PDE4D: variants seen among roughly 807,000 people sequenced by gnomAD.
PDE4D encodes 3',5'-cyclic-AMP phosphodiesterase 4D.
A neutral mutation model predicts 87.4 loss-of-function variants in PDE4D; 24 were observed. That is an observed-to-expected ratio of 0.27 (90% CI 0.20 to 0.39). The LOEUF is 0.39. Among genes scored for constraint, PDE4D ranks in the 10% least tolerant of loss-of-function variants. PDE4D has a pLI of 1.00. For missense variants in PDE4D, 714 were observed against 1,041.0 expected (o/e 0.69, Z 4.32); for synonymous variants, 384 against 383.2 (o/e 1.00, Z -0.02).
chr5:60,187,440 A>T (rs1424683589), intron 1 of PDE4D, among the ~76,000 whole-genome samples: 2 of 152,210 alleles, frequency 1.3e-5, no homozygotes, highest in African/African-American at 4.8e-5. Context: ...AACATATATT[A>T]TCAGAGAAAA....
At chr5:59,391,465 A>G (rs1026026159) in intron 1 of PDE4D, among the ~76,000 whole-genome samples, 2 of 152,132 alleles carry the variant, frequency 1.3e-5, no homozygotes, top group Non-Finnish European at 2.9e-5. Flanking sequence ...TGTCCAAAGG[A>G]TGATGGTAGT....
chr5:60,204,910 AT>A (rs1380654748), intron 1 of PDE4D, among the ~76,000 whole-genome samples: 1 of 152,172 alleles, frequency 6.6e-6, no homozygotes, highest in African/African-American at 2.4e-5. Context: ...GCCTTTAAGG[AT>A]TGATAGAGTT....
intron 1 of PDE4D, among the ~76,000 whole-genome samples, chr5:60,205,159 G>T (rs978830367): frequency 9.9e-5 from 15 of 152,136 alleles, no homozygotes; most frequent in African/African-American, 3.6e-4. Flanking sequence ...TCCGCTGTCA[G>T]CTGCCAGGCC....
chr5:60,414,671 A>T (rs955557246), intron 1 of PDE4D, among the ~76,000 whole-genome samples: 2 of 152,234 alleles, frequency 1.3e-5, no homozygotes, highest in African/African-American at 4.8e-5. Flanking sequence ...ATCTGGAGTA[A>T]ACCAATCCTA....
At chr5:59,219,899 G>A (rs1159588114) in intron 1 of PDE4D, among the ~76,000 whole-genome samples, 1 of 152,080 alleles carries the variant, frequency 6.6e-6, no homozygotes, top group Non-Finnish European at 1.5e-5. Context: ...CAGCAAAAGT[G>A]AAGCCACAAA....
At chr5:59,820,742 C>T (rs539363047) in intron 1 of PDE4D, among the ~76,000 whole-genome samples, 19 of 152,214 alleles carry the variant, frequency 1.2e-4, no homozygotes, top group African/African-American at 4.1e-4. Flanking sequence ...GACATGGTAG[C>T]GCTCAACTCC....
intron 1 of PDE4D, among the ~76,000 whole-genome samples, chr5:60,461,563 G>A (rs183443312): frequency 9.8e-5 from 15 of 152,314 alleles, no homozygotes; most frequent in African/African-American, 2.6e-4. Flanking sequence ...ATTTGATTCT[G>A]TAATCACATC....
intron 1 of PDE4D, among the ~76,000 whole-genome samples, chr5:59,539,755 T>A (rs1815963111): frequency 6.6e-6 from 1 of 152,030 alleles, no homozygotes; most frequent in African/African-American, 2.4e-5. Context: ...ATAACAAAAA[T>A]AACAAAACTA....
At chr5:60,431,594 C>T (rs1431521220) in intron 1 of PDE4D, among the ~76,000 whole-genome samples, 1 of 149,438 alleles carries the variant, frequency 6.7e-6, no homozygotes, top group Non-Finnish European at 1.5e-5. Flanking sequence ...CCAGAGTGGG[C>T]AGCCAGGCAG....
intron 1 of PDE4D, among the ~76,000 whole-genome samples, chr5:60,421,682 C>A (rs758432605): frequency 6.6e-6 from 1 of 152,108 alleles, no homozygotes; most frequent in Non-Finnish European, 1.5e-5. Flanking sequence ...CAAAGCTGGA[C>A]GGAGAATGAC....
At chr5:59,884,563 G>T (rs1749897230) in intron 1 of PDE4D, among the ~76,000 whole-genome samples, 2 of 151,594 alleles carry the variant, frequency 1.3e-5, no homozygotes, top group Non-Finnish European at 2.9e-5. Flanking sequence ...AAGATATTTG[G>T]GTGGTTTCCA....
intron 1 of PDE4D, among the ~76,000 whole-genome samples, chr5:60,417,376 G>A (rs961800097): frequency 6.6e-6 from 1 of 152,116 alleles, no homozygotes; most frequent in Non-Finnish European, 1.5e-5. Context: ...GCAAAAACCA[G>A]ACTTCTGCAT....
In PDE4D at chr5:59,424,207, G is replaced by A. The variant is rs117262571; in HGVS notation, c.456-208239C>T. On this transcript the variant is annotated intron_variant, in intron 1 of 14. Coordinates refer to ENST00000340635, the MANE Select transcript of PDE4D (RefSeq NM_001104631.2). The stretch of plus-strand genomic sequence containing the variant: ...GTTTGGCAGCACTACATAGAGAAGA[G>A]AATGGGGAACTGGAGATATACATTC... 4.2e-3 allele frequency among the ~76,000 whole-genome samples: 647 copies of A among 152,240 alleles called. 26 individuals carry two copies. The East Asian group carries it at 0.083, about 20-fold the overall frequency.
At chr5:59,511,635 A>C (rs901574211) in intron 1 of PDE4D, among the ~76,000 whole-genome samples, 2 of 152,052 alleles carry the variant, frequency 1.3e-5, no homozygotes, top group African/African-American at 2.4e-5. Context: ...ACAAGTATAA[A>C]ATTCCTTAAA....
At chr5:59,519,562 C>A (rs546367691) in intron 1 of PDE4D, among the ~76,000 whole-genome samples, 1 of 152,024 alleles carries the variant, frequency 6.6e-6, no homozygotes, top group Non-Finnish European at 1.5e-5. Flanking sequence ...GTGGGTGAGG[C>A]GGACAGTGGT....
intron 1 of PDE4D, among the ~76,000 whole-genome samples, chr5:60,402,991 C>A (rs1583641527): frequency 6.6e-6 from 1 of 152,210 alleles, no homozygotes; most frequent in East Asian, 1.9e-4. Context: ...CCTGGTAACC[C>A]ACTTATAAAA....
chr5:59,495,689 C>G (rs1807049368), intron 1 of PDE4D, among the ~76,000 whole-genome samples: 1 of 152,180 alleles, frequency 6.6e-6, no homozygotes, highest in South Asian at 2.1e-4. Flanking sequence ...CAGCTAGGGG[C>G]AGCTTTGAGA....
In PDE4D at chr5:60,378,301, T is replaced by G. The variant is rs181628813; in HGVS notation, c.-90+109641A>C. Among the ~76,000 whole-genome samples, 366 of 152,224 alleles carry G rather than the reference T, an allele frequency of 2.4e-3. 2 individuals are homozygous for G. The highest frequency in any genetic ancestry group is 8.5e-3 in the African/African-American group (354 of 41,528). ...ATCTTCTCTATAATTTAAAACCCTT[T>G]CCAACCACAGTGCAATTAGCTCCAT... is the stretch of plus-strand genomic sequence containing the variant. On this transcript the variant is annotated intron_variant, in intron 1 of 16. Transcript: ENST00000502484.
At chr5:60,379,132 G>A (rs1275171846) in intron 1 of PDE4D, among the ~76,000 whole-genome samples, 1 of 151,462 alleles carries the variant, frequency 6.6e-6, no homozygotes, top group Non-Finnish European at 1.5e-5. Flanking sequence ...GCTCCCTATT[G>A]GCACTGAATT....
Sources: gnomAD v4.1 joint callset for allele counts (sites outside exome capture counted in the v4.1 genomes callset) on GRCh38, gnomAD v4.1.1 for gene constraint, MANE v1.5 for transcripts, NCBI Gene and HGNC (gene_info 2026-07-23, HGNC 2026-07-21) for gene names.